The following PTGIS variants were observed in gnomAD, a reference collection of about 807,000 sequenced individuals.
PTGIS encodes the protein prostacyclin synthase.
Under a neutral mutation model 50.3 loss-of-function variants are expected in PTGIS, and 45 were observed. The observed-to-expected ratio is 0.90, with a 90% CI of 0.70 to 1.15. PTGIS has a LOEUF of 1.15. PTGIS is among the 50% of genes most tolerant of loss of function. PTGIS has a pLI of 0.00. For missense variants in PTGIS, 668 were observed against 661.3 expected (o/e 1.01, Z -0.11); for synonymous variants, 260 against 267.7 (o/e 0.97, Z 0.28).
At chr20:49,519,818 C>T (rs1474722247) in intron 6 of PTGIS, among the ~76,000 whole-genome samples, 1 of 152,144 alleles carries the variant, frequency 6.6e-6, no homozygotes, top group Non-Finnish European at 1.5e-5. Flanking sequence ...CCTTGATGGC[C>T]TCCCCCAAGG....
At position 49,514,403 on chromosome 20, in the gene PTGIS, G is replaced by A. The variant is rs1981417448; in HGVS notation, c.856-8C>T. The A allele has an allele frequency of 6.2e-7, 1 of 1,613,122 alleles. No homozygotes were observed. The highest frequency in any genetic ancestry group is 8.5e-7 in the Non-Finnish European group (1 of 1,179,940). On this transcript the variant is annotated splice_region_variant and splice_polypyrimidine_tract_variant and intron_variant, in intron 6 of 9. Coordinates refer to ENST00000244043, the MANE Select transcript of PTGIS (RefSeq NM_000961.4). The stretch of plus-strand genomic sequence containing the variant: ...AGCGGGACCCATATTCCCCTGCAAG[G>A]AGAAGGGCCCCTGTTATGCCATTAT...
In PTGIS at chr20:49,524,206, C is replaced by A. The variant is rs369038695; in HGVS notation, c.707G>T (p.Arg236Leu). The A allele has an allele frequency of 1.2e-6, 2 of 1,614,208 alleles. No individual in the cohort carries two copies. Among genetic ancestry groups the A allele is most frequent in the Non-Finnish European group, 8.5e-7 (1 of 1,180,038 alleles). Residue 236 changes from arginine to leucine, a missense_variant, in exon 6 of 10, where the codon CGC (arginine) becomes CTC (leucine). Transcript: ENST00000244043. Reference sequence around the variant, plus strand: ...GGCTGGGGATAGCAGCTTCCACAGGCGACTTTTGACACTGCACATGTGGTC... The same window carrying A: ...GGCTGGGGATAGCAGCTTCCACAGGAGACTTTTGACACTGCACATGTGGTC... The part of the protein sequence containing the change: ...DKDHMCSVKS[R>L]LWKLLSPARL...
chr20:49,507,091 T>C lies in PTGIS; in HGVS notation c.*829A>G, dbSNP rs957434064. On this transcript the variant is annotated 3_prime_UTR_variant, in exon 10 of 10. Transcript: ENST00000244043. ...GTGATCACAGTTGGGGCTTCTGCAC[T>C]AGAATGCATGAAATCGGCACCTTCT... 4 of 152,402 alleles carry C rather than the reference T, an allele frequency of 2.6e-5. No individual in the cohort carries two copies. Among genetic ancestry groups the C allele is most frequent in the Non-Finnish European group, 4.4e-5 (3 of 68,226 alleles). The allele number at this position is 152,402 out of a possible 1,614,324, so 9.4% of individuals were successfully genotyped here. A position where few individuals can be genotyped will look rare whatever the true frequency, so the allele number is the denominator to read the frequency against.
At position 49,507,989 on chromosome 20, in the gene PTGIS, G is replaced by C; in HGVS notation, c.1434C>G (p.Leu478=). Residue 478 remains leucine, a synonymous_variant, in exon 10 of 10, where the codon CTC becomes CTG. Transcript: ENST00000244043. ...NADVEIPEFD[L]SRYGFGLMQP... is the part of the protein sequence containing the mutation. The stretch of plus-strand genomic sequence containing the variant: ...GCATCAGACCGAAGCCGTACCTGCT[G>C]AGGTCAAACTCAGGGATCTCCACAT... 6.2e-7 allele frequency: 1 copy of C among 1,613,938 alleles called. No individual in the cohort carries two copies.
chr20:49,513,141 C>T lies in PTGIS; in HGVS notation c.1145G>A (p.Arg382His), dbSNP rs371186629. The T allele has an allele frequency of 4.0e-5, 65 of 1,614,110 alleles. No individual in the cohort carries two copies. Among genetic ancestry groups the T allele is most frequent in the Non-Finnish European group, 4.8e-5 (57 of 1,180,018 alleles). ...GREFNLRRGDRLLLFPFLSPQ... is the reference protein window; with the variant it reads ...GREFNLRRGDHLLLFPFLSPQ... ...GCTCAGGAAGGGGAAGAGGAGGAGGCGGTCACCACGTCGCAGGTTGAATTC... is the reference window on the plus strand; with the variant it reads ...GCTCAGGAAGGGGAAGAGGAGGAGGTGGTCACCACGTCGCAGGTTGAATTC... Residue 382 changes from arginine to histidine, a missense_variant, in exon 8 of 10, where the codon CGC (arginine) becomes CAC (histidine). By Grantham distance (29) the Arg-to-His change is conservative. Coordinates refer to ENST00000244043, the MANE Select transcript of PTGIS (RefSeq NM_000961.4).
At chr20:49,525,423 A>G (rs1981769018) in intron 5 of PTGIS, among the ~76,000 whole-genome samples, 1 of 152,220 alleles carries the variant, frequency 6.6e-6, no homozygotes, top group Non-Finnish European at 1.5e-5. Flanking sequence ...TCACCATTAA[A>G]CAGACAATGG....
chr20:49,511,254 T>C, intron 8 of PTGIS, 75 bp from the exon 9 acceptor site: 1 of 1,551,468 alleles, frequency 6.4e-7, no homozygotes, highest in Non-Finnish European at 8.8e-7. Context: ...TATGAGGATG[T>C]TCATGACAGT....
In PTGIS at chr20:49,507,914, C is replaced by G. The variant is rs1568666255; in HGVS notation, c.*6G>C. 6.2e-7 allele frequency: 1 copy of G among 1,611,116 alleles called. No homozygotes were observed. The highest frequency in any genetic ancestry group is 1.6e-4 in the Middle Eastern group (1 of 6,062). ...GGCGAGCACGTGGATCCATCTGCTCCCTGTGTCATGGGCGGATGCGGTAGC... is the reference window on the plus strand; with the variant it reads ...GGCGAGCACGTGGATCCATCTGCTCGCTGTGTCATGGGCGGATGCGGTAGC... On this transcript the variant is annotated 3_prime_UTR_variant, in exon 10 of 10. Coordinates refer to ENST00000244043, the MANE Select transcript of PTGIS (RefSeq NM_000961.4).
intron 9 of PTGIS, among the ~76,000 whole-genome samples, chr20:49,509,903 TC>T (rs67225498): frequency 0.18 from 21,909 of 121,972 alleles, 2,083 homozygotes; most frequent in African/African-American, 0.23. Context: ...TTTTTTTTTT[TC>T]TGGAGACAGA....
At position 49,539,568 on chromosome 20, in the gene PTGIS, A is replaced by T. The variant is rs765947709; in HGVS notation, c.673+2T>A. On this transcript the variant is annotated splice_donor_variant, in intron 5 of 9. Transcript: ENST00000244043. LOFTEE classifies it high-confidence loss of function. ...ACCCACTGGGGCCCCCATGGTGCTT[A>T]CCCACTGACAGGGAGCCACGGGCCA... 1 of 1,613,312 alleles carries T rather than the reference A, an allele frequency of 6.2e-7. No homozygotes were observed. The highest frequency in any genetic ancestry group is 8.5e-7 in the Non-Finnish European group (1 of 1,179,808).
At chr20:49,521,024 T>A (rs769813167) in intron 6 of PTGIS, among the ~76,000 whole-genome samples, 1 of 152,182 alleles carries the variant, frequency 6.6e-6, no homozygotes, top group African/African-American at 2.4e-5. Flanking sequence ...GGGATTTTTG[T>A]CTGTTTTGCT....
chr20:49,548,904 T>C (rs1410232810), intron 2 of PTGIS, among the ~76,000 whole-genome samples: 1 of 152,130 alleles, frequency 6.6e-6, no homozygotes, highest in African/African-American at 2.4e-5. Context: ...AAATGTTGGG[T>C]ACATGGATGA....
At chr20:49,528,081 A>T (rs977785448) in intron 5 of PTGIS, among the ~76,000 whole-genome samples, 4 of 152,184 alleles carry the variant, frequency 2.6e-5, no homozygotes, top group Admixed American at 1.3e-4. Flanking sequence ...TGGAGGTTGC[A>T]GTGAGCTGAG....
rs2122855040 is a variant in PTGIS, at chr20:49,524,149, C to T, written c.764G>A (p.Trp255Ter). The T allele has an allele frequency of 6.2e-7, 1 of 1,614,252 alleles. No individual in the cohort carries two copies. Among genetic ancestry groups the T allele is most frequent in the East Asian group, 2.2e-5 (1 of 44,882 alleles). ...RLARRAHRSK[W>*]LESYLLHLEE... ...CAGGTGCAGCAGGTAACTCTCCAGC[C>T]ATTTGCTCCGGTGGGCCCGCCTGGC... Residue 255 changes from tryptophan (W) to a stop codon, truncating the protein, a stop_gained, in exon 6 of 10, where the codon TGG becomes TAG. Transcript: ENST00000244043. LOFTEE classifies it high-confidence loss of function.
intron 6 of PTGIS, among the ~76,000 whole-genome samples, chr20:49,521,665 C>T (rs1981654536): frequency 1.3e-5 from 2 of 152,202 alleles, no homozygotes; most frequent in African/African-American, 4.8e-5. Flanking sequence ...CAGTCTCTGC[C>T]TGCAAGGACA....
intron 1 of PTGIS, 152 bp from the exon 2 acceptor site, chr20:49,550,341 G>T: frequency 9.8e-7 from 1 of 1,025,502 alleles, no homozygotes; most frequent in South Asian, 1.3e-5. Context: ...CTTTTCTCTT[G>T]TAACATGTGG....
chr20:49,538,762 G>A (rs6095575), intron 5 of PTGIS, among the ~76,000 whole-genome samples: 14,714 of 151,892 alleles, frequency 0.097, 2,223 homozygotes, highest in African/African-American at 0.33. Context: ...ACAGCTCACT[G>A]CAACCTCCAA....
In PTGIS at chr20:49,524,199, C is replaced by T; in HGVS notation, c.714G>A (p.Trp238Ter). Residue 238 changes from tryptophan to a stop codon, truncating the protein, a stop_gained, in exon 6 of 10, where the codon TGG (tryptophan) becomes TGA (stop). Transcript: ENST00000244043. LOFTEE classifies it high-confidence loss of function. ...CCAGCCTGGCTGGGGATAGCAGCTT[C>T]CACAGGCGACTTTTGACACTGCACA... ...DHMCSVKSRL[W>*]KLLSPARLAR... The T allele has an allele frequency of 1.8e-5, 29 of 1,614,232 alleles. No homozygotes were observed. The highest frequency in any genetic ancestry group is 2.5e-5 in the Non-Finnish European group (29 of 1,180,040).
At chr20:49,561,888 A>G (rs1289918659) in intron 1 of PTGIS, among the ~76,000 whole-genome samples, 1 of 152,202 alleles carries the variant, frequency 6.6e-6, no homozygotes. Context: ...ATCAGGAGCT[A>G]TACTTGGCAT....
Sources: gnomAD v4.1 joint callset for allele counts (sites outside exome capture counted in the v4.1 genomes callset) on GRCh38, gnomAD v4.1.1 for gene constraint, MANE v1.5 for transcripts, NCBI Gene and HGNC (gene_info 2026-07-23, HGNC 2026-07-21) for gene names.